The following CXCR5 variants were observed in gnomAD, a reference collection of about 807,000 sequenced individuals.
CXCR5 encodes the protein C-X-C chemokine receptor type 5.
A neutral mutation model predicts 5.6 loss-of-function variants in CXCR5; 3 were observed. That is an observed-to-expected ratio of 0.54 (90% confidence interval 0.24 to 1.39). The LOEUF (loss-of-function observed/expected upper bound fraction) is 1.39. CXCR5 is among the 40% of genes most tolerant of loss of function. The pLI is 0.16. For missense variants in CXCR5, 333 were observed against 494.6 expected, an observed-to-expected ratio of 0.67 and a Z score of 3.10; for synonymous variants, 218 against 219.9, an observed-to-expected ratio of 0.99 and a Z score of 0.08.
rs889356735 is a variant in CXCR5 at position 118,893,119 on chromosome 11, G to A, written c.52-477G>A. ...GACAGTCAGGAACAGGAAGACCCAT[G>A]AGGAGGGAGCCCACAGGCCAAGTCA... On this transcript the variant is annotated intron_variant, in intron 1 of 1. Transcript: ENST00000292174. The surrounding 1 kb of genome is among the most constrained non-coding windows in gnomAD (Gnocchi z 5.7). Among the ~76,000 whole-genome samples, 13 of 152,220 alleles carry A rather than the reference G, an allele frequency of 8.5e-5. No homozygotes were observed. The highest frequency in any genetic ancestry group is 2.9e-4 in the African/African-American group (12 of 41,440).
At chr11:118,888,224 T>A (rs1939748619) in intron 1 of CXCR5, among the ~76,000 whole-genome samples, 1 of 152,124 alleles carries the variant, frequency 6.6e-6, no homozygotes, top group Non-Finnish European at 1.5e-5. Context: ...TTCCTAAAGG[T>A]ACCATCTCAT....
chr11:118,891,871 C>CAAAA (rs754547926), intron 1 of CXCR5, among the ~76,000 whole-genome samples: 3 of 34,582 alleles, frequency 8.7e-5, no homozygotes, highest in East Asian at 2.0e-3. Flanking sequence ...AACTCCCCCT[C>CAAAA]AAAAAAAAAA....
rs1939906364 is a variant in CXCR5, at chr11:118,895,985, A to G, written c.*1322A>G. 6.0e-6 allele frequency: 1 copy of G among 167,086 alleles called. No homozygotes were observed. The highest frequency in any genetic ancestry group is 1.5e-5 in the Non-Finnish European group (1 of 68,130). The allele number at this position is 167,086 out of a possible 1,614,324, so 10.4% of individuals were successfully genotyped here. On this transcript the variant is annotated 3_prime_UTR_variant, in exon 2 of 2. Coordinates refer to ENST00000292174, the MANE Select transcript of CXCR5 (RefSeq NM_001716.5). This position sits in a 1 kb window ranked among gnomAD's most constrained non-coding sequence, Gnocchi z 4.2. ...GCAGCCAAGCTCCTTGGGAGGCCCC[A>G]CTGGGGAAATAACAGCTGTGGCTCA...
At chr11:118,888,390 C>T (rs1939753358) in intron 1 of CXCR5, among the ~76,000 whole-genome samples, 1 of 152,162 alleles carries the variant, frequency 6.6e-6, no homozygotes, top group Admixed American at 6.5e-5. Flanking sequence ...CAAGCCTTGA[C>T]ATCAGCCCTC....
In CXCR5 at chr11:118,884,059, G is replaced by A. The variant is rs1377312813; in HGVS notation, c.51+67G>A. On this transcript the variant is annotated intron_variant, in intron 1 of 1. Transcript: ENST00000292174. ...TGGAATTCTAACATCCTTTGCCAGA[G>A]TCCGAGGGAGAGGGGACAGTGTGGG... 2.7e-6 allele frequency: 4 copies of A among 1,505,884 alleles called. No individual in the cohort carries two copies. The African/African-American group carries it at 5.5e-5, about 21-fold the overall frequency. The allele number at this position is 1,505,884 out of a possible 1,614,324, so 93.3% of individuals were successfully genotyped here. A position where few individuals can be genotyped will look rare whatever the true frequency, so the allele number is the denominator to read the frequency against.
At chr11:118,891,685 A>G (rs1939812759) in intron 1 of CXCR5, among the ~76,000 whole-genome samples, 2 of 152,092 alleles carry the variant, frequency 1.3e-5, no homozygotes, top group Non-Finnish European at 2.9e-5. Context: ...CCTGGCCAAC[A>G]TGGTGAAACC....
chr11:118,893,193 G>A lies in CXCR5; in HGVS notation c.52-403G>A, dbSNP rs909809471. On this transcript the variant is annotated intron_variant, in intron 1 of 1. Coordinates refer to ENST00000292174, the MANE Select transcript of CXCR5 (RefSeq NM_001716.5). The surrounding 1 kb of genome is among the most constrained non-coding windows in gnomAD (Gnocchi z 5.7). Reference sequence around the variant, plus strand: ...AGCACAATGCTAAGTTGCAGTGCCCGACTGTTCTGCTCAGAACTGGAACAG... The same window carrying A: ...AGCACAATGCTAAGTTGCAGTGCCCAACTGTTCTGCTCAGAACTGGAACAG... 6.8e-6 allele frequency among the ~76,000 whole-genome samples: 1 copy of A among 147,264 alleles called. No homozygotes were observed. Among genetic ancestry groups the A allele is most frequent in the Non-Finnish European group, 1.5e-5 (1 of 66,770 alleles).
intron 1 of CXCR5, chr11:118,887,533 G>T: frequency 1.5e-6 from 1 of 683,540 alleles, no homozygotes; most frequent in Non-Finnish European, 1.8e-6. Context: ...GCCAAAACCC[G>T]TGGGTAGAGA....
chr11:118,895,174 G>C lies in CXCR5; in HGVS notation c.*511G>C, dbSNP rs1051482896. 1 of 168,070 alleles carries C rather than the reference G, an allele frequency of 5.9e-6. No homozygotes were observed. Among genetic ancestry groups the C allele is most frequent in the Non-Finnish European group, 1.5e-5 (1 of 68,936 alleles). 10.4% of individuals were successfully genotyped at this position (168,070 alleles called of 1,614,324 possible). On this transcript the variant is annotated 3_prime_UTR_variant, in exon 2 of 2. Transcript: ENST00000292174. The surrounding 1 kb of genome is among the most constrained non-coding windows in gnomAD (Gnocchi z 4.2). ...TGAGGAAAGGCCAGCTGGCAGCAGA[G>C]TGTGGCCTTCGGACAACTCAGTCCC...
At chr11:118,884,551 C>A (rs942628648) in intron 1 of CXCR5, among the ~76,000 whole-genome samples, 7 of 152,134 alleles carry the variant, frequency 4.6e-5, no homozygotes, top group African/African-American at 1.7e-4. Context: ...TATTAGGCAA[C>A]AATTATGTGC....
rs750689771 is a variant in CXCR5 at position 118,894,293 on chromosome 11, G to A, written c.749G>A (p.Arg250Gln). 14 of 1,614,086 alleles carry A rather than the reference G, an allele frequency of 8.7e-6. No homozygotes were observed. The highest frequency in any genetic ancestry group is 4.5e-5 in the East Asian group (2 of 44,878). ...GVVHRLRQAQRRPQRQKAVRV... is the reference protein window; with the variant it reads ...GVVHRLRQAQQRPQRQKAVRV... ...GTGCACAGGTTGCGCCAGGCCCAGCGGCGCCCTCAGCGGCAGAAGGCAGTC... is the reference window on the plus strand; with the variant it reads ...GTGCACAGGTTGCGCCAGGCCCAGCAGCGCCCTCAGCGGCAGAAGGCAGTC... The change falls in exon 2 of 2, where the codon CGG becomes CAG. Residue 250 changes from arginine to glutamine, a missense_variant. Physicochemically the swap from Arg to Gln is conservative, Grantham distance 43. Transcript: ENST00000292174. The surrounding 1 kb of genome is among the most constrained non-coding windows in gnomAD (Gnocchi z 6.1).
intron 1 of CXCR5, among the ~76,000 whole-genome samples, chr11:118,885,636 C>T (rs1318818388): frequency 6.6e-6 from 1 of 152,228 alleles, no homozygotes; most frequent in Non-Finnish European, 1.5e-5. Flanking sequence ...ATCTTAGTAA[C>T]CAACTGGAGA....
intron 1 of CXCR5, among the ~76,000 whole-genome samples, chr11:118,888,738 T>C (rs1939760056): frequency 6.6e-6 from 1 of 152,242 alleles, no homozygotes. Context: ...TTTTTCCCCA[T>C]GCAATTTCAT....
chr11:118,888,938 C>T (rs1286790896), intron 1 of CXCR5, among the ~76,000 whole-genome samples: 1 of 152,196 alleles, frequency 6.6e-6, no homozygotes, highest in African/African-American at 2.4e-5. Flanking sequence ...GAGCTCCATG[C>T]TGGCCAGTGC....
At chr11:118,887,359 C>T (rs1939729509) in intron 1 of CXCR5, 1 of 985,408 alleles carries the variant, frequency 1.0e-6, no homozygotes, top group Non-Finnish European at 1.2e-6. Flanking sequence ...ACCTGGGAGG[C>T]CTGTCTGCCT....
chr11:118,886,485 G>T (rs530587721), intron 1 of CXCR5: 14 of 391,504 alleles, frequency 3.6e-5, no homozygotes, highest in South Asian at 7.5e-5. Context: ...GGGCTGGGGG[G>T]TGGGGACGGG....
Position 118,894,257 on chromosome 11 carries a change from A to T in CXCR5, c.713A>T (p.Tyr238Phe). The stretch of plus-strand genomic sequence containing the variant: ...CCCATGCTGGTGATGGGCTGGTGCT[A>T]CGTGGGGGTAGTGCACAGGTTGCGC... ...LLPMLVMGWC[Y>F]VGVVHRLRQA... The change falls in exon 2 of 2, where the codon TAC becomes TTC. Residue 238 changes from tyrosine to phenylalanine, a missense_variant. Transcript: ENST00000292174. This position sits in a 1 kb window ranked among gnomAD's most constrained non-coding sequence, Gnocchi z 6.1. 6.2e-7 allele frequency: 1 copy of T among 1,614,048 alleles called. No homozygotes were observed. Among genetic ancestry groups the T allele is most frequent in the Non-Finnish European group, 8.5e-7 (1 of 1,180,032 alleles).
intron 1 of CXCR5, among the ~76,000 whole-genome samples, chr11:118,890,700 G>A (rs936070598): frequency 6.6e-6 from 1 of 152,164 alleles, no homozygotes; most frequent in African/African-American, 2.4e-5. Flanking sequence ...TGTGTTGGGA[G>A]GTTAGACGTC....
At chr11:118,890,009 G>A (rs1183279399) in intron 1 of CXCR5, among the ~76,000 whole-genome samples, 5 of 152,148 alleles carry the variant, frequency 3.3e-5, no homozygotes, top group Non-Finnish European at 5.9e-5. Flanking sequence ...CCTGCTGACC[G>A]CCCCAGGCCC....
Sources: gnomAD v4.1 joint callset for allele counts (sites outside exome capture counted in the v4.1 genomes callset) on GRCh38, gnomAD v4.1.1 for gene constraint, Gnocchi (gnomAD v3.1) non-coding constraint, MANE v1.5 for transcripts, NCBI Gene and HGNC (gene_info 2026-07-23, HGNC 2026-07-21) for gene names.